ANOS1: variants seen among roughly 807,000 people sequenced by gnomAD.
ANOS1 encodes anosmin 1.
ANOS1 carries 6 observed loss-of-function variants against 59.0 expected under a neutral mutation model. The ratio of observed to expected loss-of-function variants is 0.10; its 90% CI spans 0.06 to 0.20. The LOEUF (loss-of-function observed/expected upper bound fraction) is 0.20, where lower values mean the gene tolerates loss of function less well. Among genes scored for constraint, ANOS1 ranks in the 10% least tolerant of loss-of-function variants. The pLI is 1.00. For missense variants in ANOS1, 433 were observed against 542.3 expected, an observed-to-expected ratio of 0.80 and a Z score of 2.00; for synonymous variants, 217 against 223.4, an observed-to-expected ratio of 0.97 and a Z score of 0.25.
chrX:8,621,176 G>A (rs1474374493), intron 3 of ANOS1, among the ~76,000 whole-genome samples: 2 of 110,335 alleles, frequency 1.8e-5, no homozygotes. Context: ...GAGCTGCCTG[G>A]CTAACACGCA....
rs1929488147 is a variant in ANOS1 at position 8,530,894 on chromosome X, T to C, written c.*2101A>G. 1 of 110,846 alleles carries C rather than the reference T, an allele frequency of 9.0e-6. No homozygotes were observed. The highest frequency in any genetic ancestry group is 1.9e-5 in the Non-Finnish European group (1 of 52,953). 9.1% of individuals were successfully genotyped at this position (110,846 alleles called of 1,213,427 possible). The stretch of plus-strand genomic sequence containing the variant: ...TTTTAATTTTTGAAATTTTAAGAAC[T>C]TGAAATTCAGATGCTGGTAATGACA... On this transcript the variant is annotated 3_prime_UTR_variant, in exon 14 of 14. Coordinates refer to ENST00000262648, the MANE Select transcript of ANOS1 (RefSeq NM_000216.4).
At chrX:8,715,598 A>G (rs1307477487) in intron 1 of ANOS1, among the ~76,000 whole-genome samples, 1 of 110,503 alleles carries the variant, frequency 9.0e-6, no homozygotes, top group East Asian at 2.8e-4. Flanking sequence ...TTAAGTAACA[A>G]AAGCACACAC....
chrX:8,641,800 G>A (rs777318499), intron 2 of ANOS1, among the ~76,000 whole-genome samples: 29 of 111,740 alleles, frequency 2.6e-4, no homozygotes, highest in African/African-American at 5.8e-4. Context: ...AAAATTCCCC[G>A]AAAACTGATT....
intron 3 of ANOS1, among the ~76,000 whole-genome samples, chrX:8,601,959 C>T (rs949905099): frequency 2.7e-5 from 3 of 112,122 alleles, no homozygotes; most frequent in African/African-American, 9.7e-5. Context: ...TGTCCAGCCA[C>T]TAGATTCCAA....
chrX:8,731,813 C>CG lies in ANOS1; in HGVS notation c.207+16dup. The CG allele has an allele frequency of 8.5e-7, 1 of 1,180,424 alleles. No homozygotes were observed. The highest frequency in any genetic ancestry group is 1.1e-6 in the Non-Finnish European group (1 of 880,236). ...GCCGCAGCCCCAGAAAGAACCCGGG[C>CG]GGGGGCCTCCCCGTACCTGGAAGTG... is the stretch of plus-strand genomic sequence containing the variant. On this transcript the variant is annotated intron_variant, in intron 1 of 13. Transcript: ENST00000262648.
At chrX:8,577,401 G>T (rs183271725) in intron 6 of ANOS1, among the ~76,000 whole-genome samples, 6 of 111,163 alleles carry the variant, frequency 5.4e-5, no homozygotes, top group East Asian at 2.9e-4. Context: ...TTTTCCCCCA[G>T]CTCACTTCTC....
intron 7 of ANOS1, among the ~76,000 whole-genome samples, chrX:8,569,599 T>A (rs142395228): frequency 1.8e-5 from 2 of 111,507 alleles, no homozygotes; most frequent in African/African-American, 6.5e-5. Context: ...CCGAGATTGC[T>A]CCACTGCACT....
At chrX:8,576,465 T>C (rs868583582) in intron 6 of ANOS1, among the ~76,000 whole-genome samples, 3 of 95,405 alleles carry the variant, frequency 3.1e-5, no homozygotes, top group East Asian at 3.2e-4. Context: ...TATATATATA[T>C]ATACACACAC....
chrX:8,553,992 A>T lies in ANOS1; in HGVS notation c.1314T>A (p.Asp438Glu). The T allele has an allele frequency of 8.3e-7, 1 of 1,209,790 alleles. No individual in the cohort carries two copies. The highest frequency in any genetic ancestry group is 1.1e-6 in the Non-Finnish European group (1 of 893,455). Residue 438 changes from aspartate (D) to glutamate (E), a missense_variant, in exon 9 of 14, where the codon GAT becomes GAA. Coordinates refer to ENST00000262648, the MANE Select transcript of ANOS1 (RefSeq NM_000216.4). ...AGTAGACTTTAACTTGCAGTTGGCCATCCTGATAGAAGGGAGCTCCGACTT... is the reference window on the plus strand; with the variant it reads ...AGTAGACTTTAACTTGCAGTTGGCCTTCCTGATAGAAGGGAGCTCCGACTT... The part of the protein sequence containing the change: ...PLEVGAPFYQ[D>E]GQLQVKVYWK...
intron 1 of ANOS1, among the ~76,000 whole-genome samples, chrX:8,726,017 G>A (rs1932917299): frequency 9.1e-6 from 1 of 110,101 alleles, no homozygotes; most frequent in African/African-American, 3.3e-5. Context: ...GCATCGAGTC[G>A]TGGTTCTCCC....
chrX:8,619,338 G>A (rs1212388697), intron 3 of ANOS1, among the ~76,000 whole-genome samples: 1 of 111,658 alleles, frequency 9.0e-6, no homozygotes, highest in East Asian at 2.8e-4. Context: ...GGGCAAGGTG[G>A]CTCACGCCTG....
At chrX:8,538,051 G>T (rs1929626108) in intron 10 of ANOS1, among the ~76,000 whole-genome samples, 1 of 110,812 alleles carries the variant, frequency 9.0e-6, no homozygotes, top group African/African-American at 3.3e-5. Flanking sequence ...AGGAGATGGG[G>T]TGCACCCAAC....
At chrX:8,553,065 A>G (rs1443347755) in intron 9 of ANOS1, among the ~76,000 whole-genome samples, 1 of 110,534 alleles carries the variant, frequency 9.0e-6, no homozygotes, top group Non-Finnish European at 1.9e-5. Flanking sequence ...GAGTGAGGAG[A>G]ATTTTAAAAA....
intron 7 of ANOS1, among the ~76,000 whole-genome samples, chrX:8,569,339 A>C (rs1204327602): frequency 2.7e-5 from 3 of 112,451 alleles, no homozygotes; most frequent in African/African-American, 6.5e-5. Flanking sequence ...AACTGTCATA[A>C]AATTTCATAA....
At chrX:8,541,180 A>G (rs1242439976) in intron 9 of ANOS1, among the ~76,000 whole-genome samples, 2 of 105,505 alleles carry the variant, frequency 1.9e-5, no homozygotes, top group Non-Finnish European at 1.9e-5. Flanking sequence ...CGAGGCAGGC[A>G]GATCACTAGG....
intron 1 of ANOS1, among the ~76,000 whole-genome samples, chrX:8,715,983 C>T (rs1452638427): frequency 2.7e-5 from 3 of 110,877 alleles, no homozygotes; most frequent in Non-Finnish European, 3.8e-5. Flanking sequence ...AAGTAAGAGG[C>T]TCTGTTCTGA....
At chrX:8,570,821 A>C in intron 6 of ANOS1, 117 bp from the exon 7 acceptor site, 5 of 699,725 alleles carry the variant, frequency 7.1e-6, no homozygotes, top group Non-Finnish European at 6.6e-6. Context: ...AAAAGCTGAA[A>C]ACGGGGGTGG....
At chrX:8,547,670 AAAG>A (rs200883934) in intron 9 of ANOS1, among the ~76,000 whole-genome samples, 4,624 of 111,989 alleles carry the variant, frequency 0.041, 240 homozygotes, top group African/African-American at 0.14. Flanking sequence ...TCCATTTGCA[AAAG>A]AAGACAAAAA....
chrX:8,640,704 A>C (rs1931649688), intron 2 of ANOS1, among the ~76,000 whole-genome samples: 1 of 110,363 alleles, frequency 9.1e-6, no homozygotes, highest in African/African-American at 3.3e-5. Flanking sequence ...CCCTGTTGCT[A>C]TAATTGGGAG....
Sources: allele counts gnomAD v4.1 joint callset (sites outside exome capture counted in the v4.1 genomes callset), GRCh38; gene constraint gnomAD v4.1.1; transcripts MANE v1.5; gene names NCBI Gene and HGNC (gene_info 2026-07-23, HGNC 2026-07-21).